Variants in SLC19A3 observed in about 807,000 individuals in gnomAD.
SLC19A3 encodes solute carrier family 19 member 3.
In SLC19A3, 31 loss-of-function variants were observed where a neutral mutation model predicts 40.2. The ratio of observed to expected loss-of-function variants is 0.77; its 90% confidence interval spans 0.58 to 1.04. The LOEUF is 1.04. Ranked by LOEUF, SLC19A3 falls within the 50% of genes least tolerant of loss-of-function variation. SLC19A3 has a pLI of 0.00. For missense variants in SLC19A3, 592 were observed against 596.7 expected (o/e 0.99, Z 0.08); for synonymous variants, 212 against 227.5 (o/e 0.93, Z 0.61).
chr2:227,694,450 T>G (rs1695351421), intron 4 of SLC19A3, among the ~76,000 whole-genome samples: 1 of 152,240 alleles, frequency 6.6e-6, no homozygotes, highest in Non-Finnish European at 1.5e-5. Flanking sequence ...AACTAATTGT[T>G]TTTTCCTTTG....
rs758707665 is a variant in SLC19A3, at chr2:227,699,171, C to T, written c.544G>A (p.Val182Met). Reference protein sequence around the residue: ...LNVISLASVSVAFLFSLFLPM... With the variant: ...LNVISLASVSMAFLFSLFLPM... ...AGGAAAAGTGAGAAAAGGAAAGCCA[C>T]GGAGACAGAGGCCAAGGATATGACG... The change falls in exon 3 of 6, where the codon GTG becomes ATG. Residue 182 changes from valine (V) to methionine (M), a missense_variant. By Grantham distance (21) the Val-to-Met change is conservative. Coordinates refer to ENST00000644224, the MANE Select transcript of SLC19A3 (RefSeq NM_025243.4). The T allele has an allele frequency of 6.2e-7, 1 of 1,614,006 alleles. No homozygotes were observed.
chr2:227,717,322 A>G (rs1696368541), intron 1 of SLC19A3, among the ~76,000 whole-genome samples: 1 of 152,118 alleles, frequency 6.6e-6, no homozygotes, highest in Non-Finnish European at 1.5e-5. Context: ...TTTAGAAAAC[A>G]TTATTCCTTT....
At chr2:227,713,683 A>T (rs566180353) in intron 1 of SLC19A3, among the ~76,000 whole-genome samples, 4 of 152,268 alleles carry the variant, frequency 2.6e-5, no homozygotes, top group African/African-American at 9.6e-5. Context: ...CCCAGCCTCC[A>T]TAACTGTAAG....
At chr2:227,687,626 T>C (rs1435877053) in intron 5 of SLC19A3, 53 bp from the exon 6 acceptor site, 1 of 1,571,494 alleles carries the variant, frequency 6.4e-7, no homozygotes, top group Non-Finnish European at 8.7e-7. Context: ...TCTATGTCAA[T>C]GATAATACAT....
rs121917884 is a variant in SLC19A3 at position 227,688,216 on chromosome 2, T to C, written c.1264A>G (p.Thr422Ala). Residue 422 changes from threonine (T) to alanine (A), a missense_variant, in exon 5 of 6, where the codon ACT (threonine) becomes GCT (alanine). By Grantham distance (58) the Thr-to-Ala change is moderately conservative. Coordinates refer to ENST00000644224, the MANE Select transcript of SLC19A3 (RefSeq NM_025243.4). ...CCTCTCTGATCTACTACAATCACAG[T>C]CATGATGGTCTGAATCACCAAGGCA... ...FIALVIQTIM[T>A]VIVVDQRGLN... 1.9e-6 allele frequency: 3 copies of C among 1,614,064 alleles called. No homozygotes were observed. Among genetic ancestry groups the C allele is most frequent in the East Asian group, 2.2e-5 (1 of 44,878 alleles).
Position 227,687,194 on chromosome 2 carries a change from G to A in SLC19A3, c.*203C>T, listed in dbSNP as rs80307329. The stretch of plus-strand genomic sequence containing the variant: ...ATATGGGTTGTTTAATTATGATGAC[G>A]GGTCCTGTCAATTGCATCCAGTAAA... On this transcript the variant is annotated 3_prime_UTR_variant, in exon 6 of 6. Transcript: ENST00000644224. The A allele has an allele frequency of 0.034, 17,521 of 520,280 alleles. 1,562 individuals carry two copies. Among genetic ancestry groups the A allele is most frequent in the African/African-American group, 0.24 (12,428 of 52,306 alleles). 32.2% of individuals were successfully genotyped at this position (520,280 alleles called of 1,614,324 possible). A position where few individuals can be genotyped will look rare whatever the true frequency, so the allele number is the denominator to read the frequency against.
intron 1 of SLC19A3, among the ~76,000 whole-genome samples, chr2:227,714,210 G>C (rs1696249500): frequency 6.6e-6 from 1 of 152,100 alleles, no homozygotes; most frequent in Non-Finnish European, 1.5e-5. Context: ...TTCTAGGGGT[G>C]CAATGACTAT....
rs184296466 is a variant in SLC19A3, at chr2:227,697,170, A to G, written c.980-1089T>C. Among the ~76,000 whole-genome samples the G allele has an allele frequency of 1.0e-3, 153 of 150,920 alleles. 1 individual carries two copies. Among genetic ancestry groups the G allele is most frequent in the South Asian group, 7.7e-3 (37 of 4,818 alleles). Reference sequence around the variant, plus strand: ...ACCACAGAGGAAAAAAAAAATAACTATTTTTCCCCCCATGGATTTGGAATG... The same window carrying G: ...ACCACAGAGGAAAAAAAAAATAACTGTTTTTCCCCCCATGGATTTGGAATG... On this transcript the variant is annotated intron_variant, in intron 3 of 5. Transcript: ENST00000644224.
chr2:227,699,482 C>T lies in SLC19A3; in HGVS notation c.233G>A (p.Arg78His), dbSNP rs757743169. 12 of 1,613,992 alleles carry T rather than the reference C, an allele frequency of 7.4e-6. No individual in the cohort carries two copies. Among genetic ancestry groups the T allele is most frequent in the Non-Finnish European group, 8.5e-6 (10 of 1,180,026 alleles). Residue 78 changes from arginine to histidine, a missense_variant, in exon 3 of 6, where the codon CGC (arginine) becomes CAC (histidine). Physicochemically the swap from Arg to His is conservative, Grantham distance 29 (BLOSUM62 0). Transcript: ENST00000644224. ...LPVFVLTDYV[R>H]YKPVIILQGI... Reference sequence around the variant, plus strand: ...TTGCAAGATGATGACTGGCTTGTAGCGGACATAATCGGTGAGGACAAACAC... The same window carrying T: ...TTGCAAGATGATGACTGGCTTGTAGTGGACATAATCGGTGAGGACAAACAC...
Position 227,689,899 on chromosome 2 carries a change from G to A in SLC19A3, c.1173-1592C>T, listed in dbSNP as rs114520350. Among the ~76,000 whole-genome samples the A allele has an allele frequency of 7.4e-3, 1,129 of 152,236 alleles. 5 individuals are homozygous for A. The highest frequency in any genetic ancestry group is 0.017 in the Middle Eastern group (5 of 294). On this transcript the variant is annotated intron_variant, in intron 4 of 5. Transcript: ENST00000644224. ...TAGAGTTTTTATTAGTTTTCTTTTT[G>A]CTTGTTTGTTTATGCAAATAGTCTT...
At chr2:227,710,846 C>T (rs1444444835) in intron 1 of SLC19A3, among the ~76,000 whole-genome samples, 1 of 152,220 alleles carries the variant, frequency 6.6e-6, no homozygotes, top group Admixed American at 6.5e-5. Context: ...GCTTTCAACA[C>T]TGCTAGAGTC....
chr2:227,715,927 G>C (rs1352416741), intron 1 of SLC19A3, among the ~76,000 whole-genome samples: 2 of 131,752 alleles, frequency 1.5e-5, no homozygotes, highest in Non-Finnish European at 3.1e-5. Context: ...CTCCAGCCTG[G>C]GCAACAAGAG....
chr2:227,710,530 T>C (rs980733432), intron 1 of SLC19A3, among the ~76,000 whole-genome samples: 5 of 152,028 alleles, frequency 3.3e-5, no homozygotes, highest in Non-Finnish European at 5.9e-5. Flanking sequence ...ACTCGGTCTG[T>C]ACTAAAAATA....
At chr2:227,710,080 G>A (rs1415709948) in intron 1 of SLC19A3, among the ~76,000 whole-genome samples, 1 of 152,086 alleles carries the variant, frequency 6.6e-6, no homozygotes, top group Admixed American at 6.6e-5. Context: ...AGAATCTAAT[G>A]CCGCCACTGA....
chr2:227,712,454 A>G (rs566677630), intron 1 of SLC19A3, among the ~76,000 whole-genome samples: 350 of 152,346 alleles, frequency 2.3e-3, no homozygotes, highest in African/African-American at 8.0e-3. Flanking sequence ...GATACTCAAC[A>G]TAAGTAATCA....
In SLC19A3 at chr2:227,698,926, C is replaced by T. The variant is rs956230110; in HGVS notation, c.789G>A (p.Val263=). 6 of 1,614,110 alleles carry T rather than the reference C, an allele frequency of 3.7e-6. No individual in the cohort carries two copies. The Middle Eastern group carries it at 9.9e-4, about 266-fold the overall frequency. Residue 263 remains valine, a synonymous_variant, in exon 3 of 6, where the codon GTG becomes GTA. Coordinates refer to ENST00000644224, the MANE Select transcript of SLC19A3 (RefSeq NM_025243.4). ...ACTCCTTCAAATCTTGGAACCACTG[C>T]ACAAAAACGTCCACAGTCACATTGC... ...KPSNVTVDVF[V]QWFQDLKECY...
At chr2:227,710,494 G>A (rs2176192) in intron 1 of SLC19A3, among the ~76,000 whole-genome samples, 27,046 of 151,980 alleles carry the variant, frequency 0.18, 2,680 homozygotes, top group South Asian at 0.33. Context: ...TTAGGAGTTC[G>A]AGACCAGCCT....
chr2:227,686,941 G>A lies in SLC19A3; in HGVS notation c.*456C>T, dbSNP rs540561445. 1.3e-5 allele frequency: 2 copies of A among 154,248 alleles called. No individual in the cohort carries two copies. Among genetic ancestry groups the A allele is most frequent in the African/African-American group, 4.8e-5 (2 of 41,540 alleles). The allele number at this position is 154,248 out of a possible 1,614,324, so 9.6% of individuals were successfully genotyped here. ...CACTTAATAGAAGAGGAAAGAAAAT[G>A]GTTCATGTGACACAAAGGTCCCATG... On this transcript the variant is annotated 3_prime_UTR_variant, in exon 6 of 6. Transcript: ENST00000644224.
chr2:227,693,764 G>C (rs1695320644), intron 4 of SLC19A3, among the ~76,000 whole-genome samples: 1 of 152,024 alleles, frequency 6.6e-6, no homozygotes, highest in Admixed American at 6.6e-5. Flanking sequence ...AAAAGCTCCT[G>C]CACAGCCAAG....
Sources: gnomAD v4.1 joint callset for allele counts (sites outside exome capture counted in the v4.1 genomes callset) on GRCh38, gnomAD v4.1.1 for gene constraint, MANE v1.5 for transcripts, NCBI Gene and HGNC (gene_info 2026-07-23, HGNC 2026-07-21) for gene names.